Variants in EP400 observed in about 807,000 individuals in gnomAD.
EP400 encodes E1A binding protein p400, also known as E1A-binding protein p400.
EP400 carries 105 observed loss-of-function variants against 354.1 expected under a neutral mutation model. The ratio of observed to expected loss-of-function variants is 0.30; its 90% CI spans 0.25 to 0.35. EP400 has a LOEUF of 0.35. Ranked by LOEUF, EP400 falls within the 10% of genes least tolerant of loss-of-function variation. The pLI is 1.00. For synonymous variants in EP400, 1,646 were observed against 1,716.9 expected (o/e 0.96, Z 1.02); for missense variants, 3,280 against 4,121.0 (o/e 0.80, Z 5.59).
At chr12:131,970,418 G>A (rs1381120131) in intron 2 of EP400, among the ~76,000 whole-genome samples, 1 of 152,232 alleles carries the variant, frequency 6.6e-6, no homozygotes, top group African/African-American at 2.4e-5. Flanking sequence ...TCTGGAAAAG[G>A]TGAGCAGAGA....
chr12:131,951,248 C>A (rs918618053), intron 1 of EP400, among the ~76,000 whole-genome samples: 12 of 151,012 alleles, frequency 7.9e-5, no homozygotes, highest in Non-Finnish European at 1.5e-4. Context: ...GACGGGGTTT[C>A]ACTGTGTTGC....
At chr12:132,047,237 C>T (rs1424735160) in intron 39 of EP400, among the ~76,000 whole-genome samples, 2 of 152,160 alleles carry the variant, frequency 1.3e-5, no homozygotes, top group African/African-American at 4.8e-5. Flanking sequence ...TTTGTGGTCC[C>T]TTCACCAATA....
chr12:132,014,969 CCTT>C (rs954780536), intron 19 of EP400, among the ~76,000 whole-genome samples: 5 of 152,132 alleles, frequency 3.3e-5, no homozygotes, highest in African/African-American at 9.7e-5. Context: ...CTCTGGGTCT[CCTT>C]CTCTGTGCCT....
rs1239416631 is a variant in EP400 at position 132,029,692 on chromosome 12, G to C, written c.5382-9G>C. ...CTGGTGGTGACAAAACATGCTTTCT[G>C]CTCCTCAGGGTGGCCTTTGTGATTC... is the stretch of plus-strand genomic sequence containing the variant. On this transcript the variant is annotated splice_polypyrimidine_tract_variant and intron_variant, in intron 27 of 52. Transcript: ENST00000389561. This position sits in a 1 kb window ranked among gnomAD's most constrained non-coding sequence, Gnocchi z 4.7. 2 of 1,609,442 alleles carry C rather than the reference G, an allele frequency of 1.2e-6. No homozygotes were observed. The highest frequency in any genetic ancestry group is 1.1e-5 in the South Asian group (1 of 90,976).
chr12:132,003,209 G>T (rs1053680347), intron 12 of EP400, among the ~76,000 whole-genome samples: 7 of 143,416 alleles, frequency 4.9e-5, no homozygotes, highest in Admixed American at 4.2e-4. Context: ...AAAAAAAACA[G>T]CCAACCAAAA....
chr12:132,064,334 A>T (rs1895814532), intron 47 of EP400, among the ~76,000 whole-genome samples: 1 of 152,146 alleles, frequency 6.6e-6, no homozygotes, highest in African/African-American at 2.4e-5. Flanking sequence ...TTCTTAAAAA[A>T]TTTTTTCTTA....
intron 32 of EP400, among the ~76,000 whole-genome samples, chr12:132,042,868 G>T (rs1393568234): frequency 6.6e-6 from 1 of 152,186 alleles, no homozygotes; most frequent in African/African-American, 2.4e-5. Flanking sequence ...CTGTAACGTT[G>T]GGCTGTCCGT....
intron 39 of EP400, among the ~76,000 whole-genome samples, chr12:132,046,428 G>A (rs1386285285): frequency 2.0e-5 from 3 of 152,146 alleles, no homozygotes; most frequent in Admixed American, 6.5e-5. Context: ...TGTTTTGATC[G>A]TGGCGTACTT....
intron 1 of EP400, among the ~76,000 whole-genome samples, chr12:131,953,450 TGG>T (rs1291467721): frequency 1.3e-5 from 2 of 152,194 alleles, no homozygotes; most frequent in East Asian, 3.8e-4. Flanking sequence ...TTAAAATCCT[TGG>T]AATTGTAGCC....
intron 51 of EP400, among the ~76,000 whole-genome samples, chr12:132,073,035 C>T (rs566386580): frequency 2.0e-5 from 3 of 152,224 alleles, no homozygotes; most frequent in East Asian, 3.9e-4. Flanking sequence ...GTGAGCAGCT[C>T]GCGGGCAGGT....
intron 5 of EP400, among the ~76,000 whole-genome samples, chr12:131,983,684 T>G (rs1339541939): frequency 6.6e-6 from 1 of 152,204 alleles, no homozygotes; most frequent in Admixed American, 6.5e-5. Context: ...TCAGGGTTTT[T>G]GTTTGTTTGT....
intron 47 of EP400, 131 bp from the exon 48 acceptor site, chr12:132,064,537 G>T: frequency 8.0e-7 from 1 of 1,254,058 alleles, no homozygotes; most frequent in Non-Finnish European, 1.1e-6. Flanking sequence ...AGGCGGTCTG[G>T]ATGCTGCACG....
At chr12:131,963,610 G>C in intron 2 of EP400, 1 of 1,598,348 alleles carries the variant, frequency 6.3e-7, no homozygotes, top group Non-Finnish European at 8.5e-7. Context: ...AAAGGTTTCT[G>C]CTGCTTTTTC....
chr12:132,041,855 TCATATATTTACTGG>T (rs1196530327), intron 32 of EP400, among the ~76,000 whole-genome samples: 1 of 152,202 alleles, frequency 6.6e-6, no homozygotes, highest in Non-Finnish European at 1.5e-5. Flanking sequence ...GAGTGCCTCT[TCATATATTTACTGG>T]CAGTTTGAGT....
rs139926036 is a variant in EP400 at position 132,044,290 on chromosome 12, G to T, written c.6564G>T (p.Thr2188=). The change falls in exon 35 of 53, where the codon ACG becomes ACT. Residue 2188 remains threonine, a synonymous_variant. Coordinates refer to ENST00000389561, the MANE Select transcript of EP400 (RefSeq NM_015409.5). ...EQEEAELLTY[T]REDAYSMEYV... Reference sequence around the variant, plus strand: ...AGGAGGCGGAGCTCCTGACCTACACGCGAGAGGATGCCTACAGCATGGTAC... The same window carrying T: ...AGGAGGCGGAGCTCCTGACCTACACTCGAGAGGATGCCTACAGCATGGTAC... 11 of 1,613,812 alleles carry T rather than the reference G, an allele frequency of 6.8e-6. No individual in the cohort carries two copies. In the East Asian group the frequency reaches 2.2e-4, roughly 33 times the overall value.
At position 132,062,553 on chromosome 12, in the gene EP400, AGCAGCAG is replaced by A. The variant is rs1565933189; in HGVS notation, c.8187_8193del (p.Gln2729HisfsTer46). On this transcript the variant is annotated frameshift_variant, in exon 47 of 53. Transcript: ENST00000389561. LOFTEE classifies it high-confidence loss of function. ...CAGCAGCAGCAGCAGCAACAACAGC[AGCAGCAG>A]CAGCAGCAGCAGCAGCAGCAGCAGC... 2.4e-5 allele frequency: 38 copies of A among 1,552,236 alleles called. No homozygotes were observed. The African/African-American group carries it at 2.9e-4, about 12-fold the overall frequency.
chr12:132,033,249 A>C (rs757734678), intron 30 of EP400, among the ~76,000 whole-genome samples: 1 of 152,172 alleles, frequency 6.6e-6, no homozygotes, highest in Non-Finnish European at 1.5e-5. Context: ...CGCCTGGCCT[A>C]TTATTATCTG....
chr12:131,962,389 C>G (rs141818207), intron 2 of EP400, among the ~76,000 whole-genome samples: 62 of 152,286 alleles, frequency 4.1e-4, no homozygotes, highest in Non-Finnish European at 7.8e-4. Context: ...TCACATTTTA[C>G]TCGTATAGAT....
intron 2 of EP400, among the ~76,000 whole-genome samples, chr12:131,964,273 C>T (rs901880150): frequency 6.6e-6 from 1 of 152,154 alleles, no homozygotes; most frequent in Non-Finnish European, 1.5e-5. Flanking sequence ...TCGAGACCAG[C>T]CTAGCCAACA....
Sources: allele counts gnomAD v4.1 joint callset (sites outside exome capture counted in the v4.1 genomes callset), GRCh38; gene constraint gnomAD v4.1.1; non-coding constraint Gnocchi (gnomAD v3.1); transcripts MANE v1.5; gene names NCBI Gene and HGNC (gene_info 2026-07-23, HGNC 2026-07-21).